Variants in NOS1AP observed in about 807,000 individuals in gnomAD.
NOS1AP encodes the protein carboxyl-terminal PDZ ligand of neuronal nitric oxide synthase protein.
In NOS1AP, 21 loss-of-function variants were observed where a neutral mutation model predicts 56.2. That is an observed-to-expected ratio of 0.37 (90% CI 0.26 to 0.54). The LOEUF (loss-of-function observed/expected upper bound fraction) is 0.54. Among genes scored for constraint, NOS1AP ranks in the 20% least tolerant of loss-of-function variants. The pLI is 0.84. For synonymous variants in NOS1AP, 270 were observed against 274.6 expected (o/e 0.98, Z 0.17); for missense variants, 522 against 657.8 (o/e 0.79, Z 2.26).
chr1:162,356,306 G>A (rs1657703957), intron 7 of NOS1AP, among the ~76,000 whole-genome samples: 1 of 152,316 alleles, frequency 6.6e-6, no homozygotes, highest in East Asian at 1.9e-4. Flanking sequence ...CCACAGGAGA[G>A]GGAGACAGAA....
intron 2 of NOS1AP, among the ~76,000 whole-genome samples, chr1:162,160,812 T>C (rs1650172631): frequency 6.6e-6 from 1 of 152,222 alleles, no homozygotes; most frequent in Non-Finnish European, 1.5e-5. Flanking sequence ...CCTATGCTGC[T>C]GTAACAAATT....
intron 1 of NOS1AP, among the ~76,000 whole-genome samples, chr1:162,077,414 G>T (rs1420381833): frequency 2.0e-5 from 3 of 151,790 alleles, no homozygotes; most frequent in African/African-American, 7.3e-5. Context: ...TTGGAGAAAT[G>T]TCTATTCTGA....
At chr1:162,148,947 G>A (rs934464110) in intron 1 of NOS1AP, among the ~76,000 whole-genome samples, 6 of 152,168 alleles carry the variant, frequency 3.9e-5, no homozygotes, top group African/African-American at 1.4e-4. Flanking sequence ...AAGCACGTTC[G>A]GGGATGACTC....
intron 2 of NOS1AP, among the ~76,000 whole-genome samples, chr1:162,173,176 C>T (rs925198389): frequency 1.3e-5 from 2 of 152,194 alleles, no homozygotes; most frequent in Non-Finnish European, 1.5e-5. Context: ...CTTTTGCACC[C>T]GTCTAATATT....
chr1:162,099,967 A>G (rs1213514834), intron 1 of NOS1AP, among the ~76,000 whole-genome samples: 2 of 151,182 alleles, frequency 1.3e-5, no homozygotes, highest in East Asian at 1.9e-4. Flanking sequence ...TGAACTCATC[A>G]TTTTTTATGG....
chr1:162,180,309 A>C (rs575660360), intron 2 of NOS1AP, among the ~76,000 whole-genome samples: 1 of 152,136 alleles, frequency 6.6e-6, no homozygotes, highest in African/African-American at 2.4e-5. Context: ...CAGTGGCGCT[A>C]TCTCTGCTGA....
intron 1 of NOS1AP, among the ~76,000 whole-genome samples, chr1:162,086,196 G>C (rs1356496908): frequency 6.6e-6 from 1 of 152,054 alleles, no homozygotes; most frequent in East Asian, 1.9e-4. Flanking sequence ...GGGTATTTCA[G>C]GGGTTTTAAA....
intron 1 of NOS1AP, among the ~76,000 whole-genome samples, chr1:162,119,068 C>T (rs981378344): frequency 6.6e-6 from 1 of 152,170 alleles, no homozygotes; most frequent in African/African-American, 2.4e-5. Context: ...CCATCATCTG[C>T]TGCATTTTGG....
chr1:162,178,908 C>G (rs562211353), intron 2 of NOS1AP, among the ~76,000 whole-genome samples: 2 of 152,196 alleles, frequency 1.3e-5, no homozygotes, highest in East Asian at 3.9e-4. Context: ...CTAGTTTAGT[C>G]CGTCTTATAC....
intron 2 of NOS1AP, among the ~76,000 whole-genome samples, chr1:162,277,457 C>T (rs1022186411): frequency 5.3e-5 from 8 of 152,194 alleles, no homozygotes; most frequent in African/African-American, 1.9e-4. Context: ...ATCAGTTCTG[C>T]CTACTGTAGT....
intron 5 of NOS1AP, among the ~76,000 whole-genome samples, chr1:162,335,099 C>T (rs12087661): frequency 0.025 from 3,771 of 152,280 alleles, 65 homozygotes; most frequent in African/African-American, 0.043. Flanking sequence ...TCCCATTATC[C>T]GTGAAAAGGA....
intron 2 of NOS1AP, among the ~76,000 whole-genome samples, chr1:162,265,068 G>A (rs1002963007): frequency 3.9e-5 from 6 of 151,924 alleles, no homozygotes; most frequent in African/African-American, 9.7e-5. Flanking sequence ...ACCCACCTTC[G>A]CTTCCCAAAG....
intron 4 of NOS1AP, among the ~76,000 whole-genome samples, chr1:162,324,840 T>C (rs184710504): frequency 2.0e-5 from 3 of 152,340 alleles, no homozygotes; most frequent in African/African-American, 7.2e-5. Context: ...GTGATGAGCT[T>C]GACTGTCTCT....
chr1:162,096,519 C>T (rs1692243929), intron 1 of NOS1AP, among the ~76,000 whole-genome samples: 1 of 151,978 alleles, frequency 6.6e-6, no homozygotes, highest in Non-Finnish European at 1.5e-5. Flanking sequence ...AATTGAAGTC[C>T]CCTGGATACT....
chr1:162,251,883 T>G (rs1385215314), intron 2 of NOS1AP, among the ~76,000 whole-genome samples: 14 of 143,538 alleles, frequency 9.8e-5, no homozygotes, highest in Non-Finnish European at 1.5e-4. Context: ...TTTTTTTTTT[T>G]TTTTTTGTGG....
chr1:162,325,822 A>G (rs1468741630), intron 4 of NOS1AP, among the ~76,000 whole-genome samples: 1 of 151,594 alleles, frequency 6.6e-6, no homozygotes, highest in African/African-American at 2.4e-5. Context: ...GTGCTGCAGC[A>G]TGTCTTTTGG....
intron 4 of NOS1AP, among the ~76,000 whole-genome samples, chr1:162,324,543 CA>C (rs1656523961): frequency 6.8e-6 from 1 of 147,470 alleles, no homozygotes; most frequent in Admixed American, 7.0e-5. Context: ...TCAAGTAAAG[CA>C]GGGGAGGTTT....
chr1:162,104,455 T>C (rs1647419799), intron 1 of NOS1AP, among the ~76,000 whole-genome samples: 1 of 152,228 alleles, frequency 6.6e-6, no homozygotes, highest in Admixed American at 6.5e-5. Context: ...TGTTGGCATG[T>C]CTTTCTAGGT....
intron 1 of NOS1AP, among the ~76,000 whole-genome samples, chr1:162,082,911 T>C (rs748751610): frequency 6.6e-3 from 4 of 608 alleles, no homozygotes; most frequent in African/African-American, 6.7e-3. Context: ...TTTTTTTTTT[T>C]TTTGAGACGG....
Sources: allele counts gnomAD v4.1 joint callset (sites outside exome capture counted in the v4.1 genomes callset), GRCh38; gene constraint gnomAD v4.1.1; transcripts MANE v1.5; gene names NCBI Gene and HGNC (gene_info 2026-07-23, HGNC 2026-07-21).